Variants in DYRK2 observed in about 807,000 individuals in gnomAD.
DYRK2 encodes dual specificity tyrosine phosphorylation regulated kinase 2.
Under a neutral mutation model 41.6 loss-of-function variants are expected in DYRK2, and 12 were observed. That is an observed-to-expected ratio of 0.29 (90% CI 0.18 to 0.47). The LOEUF is 0.47. Among genes scored for constraint, DYRK2 ranks in the 20% least tolerant of loss-of-function variants. The pLI, the probability that DYRK2 is intolerant of heterozygous loss-of-function variation, is 1.00. For missense variants in DYRK2, 678 were observed against 798.4 expected, an observed-to-expected ratio of 0.85 and a Z score of 1.82; for synonymous variants, 322 against 315.7, an observed-to-expected ratio of 1.02 and a Z score of -0.21.
In DYRK2 at chr12:67,650,132, A is replaced by T. The variant is rs552133834; in HGVS notation, c.198+187A>T. On this transcript the variant is annotated intron_variant, in intron 2 of 2. Transcript: ENST00000344096. ...GTTGGGCGAGCCCAAAGCTGCAGCC[A>T]CAAAGGAAGATTCGTGGCGTGGGCC... is the stretch of plus-strand genomic sequence containing the variant. Among the ~76,000 whole-genome samples the T allele has an allele frequency of 2.6e-5, 4 of 152,374 alleles. No individual in the cohort carries two copies. The South Asian group carries it at 6.2e-4, about 24-fold the overall frequency.
In DYRK2 at chr12:67,657,228, A is replaced by G. The variant is rs1872499310; in HGVS notation, c.321A>G (p.Gln107=). The change falls in exon 3 of 3, where the codon CAA becomes CAG. Residue 107 remains glutamine (Q), a synonymous_variant. Transcript: ENST00000344096. The surrounding 1 kb of genome is among the most constrained non-coding windows in gnomAD (Gnocchi z 4.8). The stretch of plus-strand genomic sequence containing the variant: ...ACAAGCGGACAGTGCTCACGACACA[A>G]CCAAATGGGCTTACAACAGTGGGCA... ...NSNKRTVLTT[Q]PNGLTTVGKT... is the part of the protein sequence containing the mutation. The G allele has an allele frequency of 6.2e-7, 1 of 1,614,146 alleles. No homozygotes were observed. Among genetic ancestry groups the G allele is most frequent in the Non-Finnish European group, 8.5e-7 (1 of 1,180,048 alleles).
At position 67,657,184 on chromosome 12, in the gene DYRK2, T is replaced by C; in HGVS notation, c.277T>C (p.Leu93=). The change falls in exon 3 of 3, where the codon TTG becomes CTG. Residue 93 remains leucine, a synonymous_variant. Coordinates refer to ENST00000344096, the MANE Select transcript of DYRK2 (RefSeq NM_006482.3). This position sits in a 1 kb window ranked among gnomAD's most constrained non-coding sequence, Gnocchi z 4.8. The part of the protein sequence containing the change: ...HAHGQIQVQQ[L]FEDNSNKRTV... ...TCACGGACAGATCCAGGTTCAACAG[T>C]TGTTTGAGGATAACAGTAACAAGCG... is the stretch of plus-strand genomic sequence containing the variant. 1 of 1,613,340 alleles carries C rather than the reference T, an allele frequency of 6.2e-7. No homozygotes were observed.
rs563948562 is a variant in DYRK2 at position 67,649,386 on chromosome 12, C to G, written c.49+204C>G. ...GCCCCTCCGCGGGGAGCCCTCGGCC[C>G]GAAGAGGCTTCTGCCTGCCGGGGGC... is the stretch of plus-strand genomic sequence containing the variant. On this transcript the variant is annotated intron_variant, in intron 1 of 2. Transcript: ENST00000344096. Among the ~76,000 whole-genome samples the G allele has an allele frequency of 1.7e-4, 26 of 151,746 alleles. No individual in the cohort carries two copies. The East Asian group carries it at 4.1e-3, about 24-fold the overall frequency.
chr12:67,654,055 T>C (rs1375943127), intron 2 of DYRK2, among the ~76,000 whole-genome samples: 3 of 152,252 alleles, frequency 2.0e-5, no homozygotes, highest in Non-Finnish European at 4.4e-5. Flanking sequence ...CTTTGTTACC[T>C]TCTTTTTGCA....
At chr12:67,651,722 A>T (rs1462204694) in intron 2 of DYRK2, 3 of 433,754 alleles carry the variant, frequency 6.9e-6, no homozygotes, top group Non-Finnish European at 1.4e-5. Context: ...AGCAGATTTC[A>T]TAGTACAGGA....
Position 67,664,044 on chromosome 12 carries a change from C to A in DYRK2, c.*5331C>A, listed in dbSNP as rs893287450. On this transcript the variant is annotated 3_prime_UTR_variant, in exon 3 of 3. Coordinates refer to ENST00000344096, the MANE Select transcript of DYRK2 (RefSeq NM_006482.3). ...CTTTTTTTTTCTTAAGTTTGAATTA[C>A]ACTTGATTTCCTTTGGGTTATTAGG... 6.6e-6 allele frequency: 1 copy of A among 152,032 alleles called. No individual in the cohort carries two copies. Among genetic ancestry groups the A allele is most frequent in the African/African-American group, 2.4e-5 (1 of 41,384 alleles). The allele number at this position is 152,032 out of a possible 1,614,324, so 9.4% of individuals were successfully genotyped here.
In DYRK2 at chr12:67,658,439, TC is replaced by T; in HGVS notation, c.1533del (p.Leu512Ter). On this transcript the variant is annotated frameshift_variant, in exon 3 of 3. Transcript: ENST00000344096. LOFTEE classifies it high-confidence loss of function. This position sits in a 1 kb window ranked among gnomAD's most constrained non-coding sequence, Gnocchi z 4.3. ...TGTGATGATCCCCTTTTCCTTGACT[TC>T]TTAAAACAGTGTTTAGAGTGGGATC... The part of the protein sequence containing the change: ...KGCDDPLFLD[F>X]LKQCLEWDPA... The T allele has an allele frequency of 6.3e-7, 1 of 1,592,564 alleles. No homozygotes were observed. Among genetic ancestry groups the T allele is most frequent in the Non-Finnish European group, 8.5e-7 (1 of 1,169,758 alleles).
chr12:67,656,650 G>T (rs1056299987), intron 2 of DYRK2, among the ~76,000 whole-genome samples: 1 of 152,172 alleles, frequency 6.6e-6, no homozygotes, highest in Non-Finnish European at 1.5e-5. Context: ...ATTAGGGAAA[G>T]AGTAGTGAAC....
rs1157474361 is a variant in DYRK2 at position 67,659,673 on chromosome 12, A to C, written c.*960A>C. 1 of 166,984 alleles carries C rather than the reference A, an allele frequency of 6.0e-6. No homozygotes were observed. Among genetic ancestry groups the C allele is most frequent in the African/African-American group, 2.4e-5 (1 of 41,446 alleles). The allele number at this position is 166,984 out of a possible 1,614,324, so 10.3% of individuals were successfully genotyped here. A position where few individuals can be genotyped will look rare whatever the true frequency, so the allele number is the denominator to read the frequency against. On this transcript the variant is annotated 3_prime_UTR_variant, in exon 3 of 3. Transcript: ENST00000344096. ...AAAAAGAACAGCAGCCTAGCTACTT[A>C]AGGTGGGGATTTCCATAGTTCCAAA...
In DYRK2 at chr12:67,649,781, C is replaced by T. The variant is rs202146557; in HGVS notation, c.50-16C>T. ...CCCCTGACCCTCTTTTGTCTCCTCC[C>T]GCACGTGGCTTCCAGGCCGAGGTGG... On this transcript the variant is annotated splice_polypyrimidine_tract_variant and intron_variant, in intron 1 of 2. Coordinates refer to ENST00000344096, the MANE Select transcript of DYRK2 (RefSeq NM_006482.3). 28 of 1,314,180 alleles carry T rather than the reference C, an allele frequency of 2.1e-5. No homozygotes were observed. The South Asian group carries it at 2.7e-4, about 13-fold the overall frequency. The allele number at this position is 1,314,180 out of a possible 1,614,324, so 81.4% of individuals were successfully genotyped here.
At position 67,658,243 on chromosome 12, in the gene DYRK2, C is replaced by T. The variant is rs1028929571; in HGVS notation, c.1336C>T (p.Leu446=). The T allele has an allele frequency of 1.9e-6, 3 of 1,614,106 alleles. No individual in the cohort carries two copies. The highest frequency in any genetic ancestry group is 1.7e-5 in the Admixed American group (1 of 60,006). The change falls in exon 3 of 3, where the codon CTG becomes TTG. Residue 446 remains leucine, a synonymous_variant. Transcript: ENST00000344096. This position sits in a 1 kb window ranked among gnomAD's most constrained non-coding sequence, Gnocchi z 4.3. The part of the protein sequence containing the change: ...ELLGMPSQKL[L]DASKRAKNFV... ...GTTGGGCATGCCCTCACAGAAACTG[C>T]TGGATGCATCCAAACGAGCCAAAAA... is the stretch of plus-strand genomic sequence containing the variant.
chr12:67,661,749 G>T lies in DYRK2; in HGVS notation c.*3036G>T, dbSNP rs1046492113. On this transcript the variant is annotated 3_prime_UTR_variant, in exon 3 of 3. Transcript: ENST00000344096. ...ACACAAGGACTTCCTATATTTAAGGGGTTAAAGATGGTCTTTGTTGTATCT... is the reference window on the plus strand; with the variant it reads ...ACACAAGGACTTCCTATATTTAAGGTGTTAAAGATGGTCTTTGTTGTATCT... The T allele has an allele frequency of 6.0e-6, 1 of 166,846 alleles. No homozygotes were observed. The highest frequency in any genetic ancestry group is 2.4e-5 in the African/African-American group (1 of 41,384). 10.3% of individuals were successfully genotyped at this position (166,846 alleles called of 1,614,324 possible).
In DYRK2 at chr12:67,653,409, T is replaced by G. The variant is rs556729681; in HGVS notation, c.198+3464T>G. Among the ~76,000 whole-genome samples, 10 of 152,300 alleles carry G rather than the reference T, an allele frequency of 6.6e-5. No homozygotes were observed. The East Asian group carries it at 1.9e-3, about 29-fold the overall frequency. ...CCTGCAATGTTTGAGATTCAAAGTC[T>G]TCTTTTGCTAGAGCTTCTCAAATGA... On this transcript the variant is annotated intron_variant, in intron 2 of 2. Transcript: ENST00000344096.
At chr12:67,652,871 C>T (rs1872361112) in intron 2 of DYRK2, among the ~76,000 whole-genome samples, 2 of 152,058 alleles carry the variant, frequency 1.3e-5, no homozygotes, top group Non-Finnish European at 2.9e-5. Context: ...ACTCTGTTGC[C>T]CAGGCTGGAG....
In DYRK2 at chr12:67,657,394, T is replaced by C. The variant is rs539367942; in HGVS notation, c.487T>C (p.Tyr163His). 1 of 1,614,050 alleles carries C rather than the reference T, an allele frequency of 6.2e-7. No individual in the cohort carries two copies. Among genetic ancestry groups the C allele is most frequent in the South Asian group, 1.1e-5 (1 of 91,080 alleles). Residue 163 changes from tyrosine to histidine, a missense_variant, in exon 3 of 3, where the codon TAC (tyrosine) becomes CAC (histidine). Tyr to His is a moderately conservative substitution (Grantham distance 83). Around this residue, in one of 2 missense-constraint regions of DYRK2, gnomAD observed 285 missense variants for 279.2 expected, o/e 1.02. Coordinates refer to ENST00000344096, the MANE Select transcript of DYRK2 (RefSeq NM_006482.3). The surrounding 1 kb of genome is among the most constrained non-coding windows in gnomAD (Gnocchi z 4.8). ...PMTPEQAMKQ[Y>H]MQKLTAFEHH... The stretch of plus-strand genomic sequence containing the variant: ...GACACCTGAACAAGCAATGAAGCAA[T>C]ACATGCAAAAACTCACAGCCTTCGA...
In DYRK2 at chr12:67,661,377, T is replaced by C. The variant is rs1872619622; in HGVS notation, c.*2664T>C. On this transcript the variant is annotated 3_prime_UTR_variant, in exon 3 of 3. Transcript: ENST00000344096. ...CTAGGAATAGCACAGTGTTGTCTTG[T>C]CTTTGGCAGTCTCATTTGGCTCTGT... 6.0e-6 allele frequency: 1 copy of C among 167,088 alleles called. No homozygotes were observed. The highest frequency in any genetic ancestry group is 2.1e-4 in the South Asian group (1 of 4,822). The allele number at this position is 167,088 out of a possible 1,614,324, so 10.4% of individuals were successfully genotyped here.
At position 67,658,475 on chromosome 12, in the gene DYRK2, G is replaced by A. The variant is rs780031437; in HGVS notation, c.1568G>A (p.Arg523His). Reference sequence around the variant, plus strand: ...TGTTTAGAGTGGGATCCTGCAGTGCGCATGACCCCAGGCCAGGCTTTGCGG... The same window carrying A: ...TGTTTAGAGTGGGATCCTGCAGTGCACATGACCCCAGGCCAGGCTTTGCGG... Reference protein sequence around the residue: ...KQCLEWDPAVRMTPGQALRHP... With the variant: ...KQCLEWDPAVHMTPGQALRHP... Residue 523 changes from arginine (R) to histidine (H), a missense_variant, in exon 3 of 3, where the codon CGC (arginine) becomes CAC (histidine). Physicochemically the swap from Arg to His is conservative, Grantham distance 29 (BLOSUM62 0). This residue lies in a region of DYRK2 where 393 missense variants were observed against 519.1 expected (regional missense o/e 0.76). Transcript: ENST00000344096. This position sits in a 1 kb window ranked among gnomAD's most constrained non-coding sequence, Gnocchi z 4.3. The A allele has an allele frequency of 6.2e-7, 1 of 1,604,280 alleles. No homozygotes were observed.
At chr12:67,650,790 A>G (rs983524235) in intron 2 of DYRK2, among the ~76,000 whole-genome samples, 44 of 152,218 alleles carry the variant, frequency 2.9e-4, no homozygotes, top group African/African-American at 1.0e-3. Flanking sequence ...CTGCACTTGG[A>G]GGAGGTGATG....
chr12:67,653,864 C>G (rs12820502), intron 2 of DYRK2, among the ~76,000 whole-genome samples: 3,939 of 152,244 alleles, frequency 0.026, 74 homozygotes, highest in Non-Finnish European at 0.04. Context: ...CAGATGAGTA[C>G]ATCTGATGTT....
Sources: allele counts gnomAD v4.1 joint callset (sites outside exome capture counted in the v4.1 genomes callset), GRCh38; gene constraint gnomAD v4.1.1; regional missense constraint gnomAD v4.1.1; non-coding constraint Gnocchi (gnomAD v3.1); transcripts MANE v1.5; gene names NCBI Gene and HGNC (gene_info 2026-07-23, HGNC 2026-07-21).